Variants in ENPP2 observed in about 807,000 individuals in gnomAD.
ENPP2 encodes the protein autotaxin.
In ENPP2, 51 loss-of-function variants were observed where a neutral mutation model predicts 120.2. That is an observed-to-expected ratio of 0.42 (90% CI 0.34 to 0.54). The LOEUF is 0.54. Among genes scored for constraint, ENPP2 ranks in the 20% least tolerant of loss-of-function variants. The pLI is 0.04. For missense variants in ENPP2, 920 were observed against 1,066.5 expected (o/e 0.86, Z 1.91); for synonymous variants, 365 against 366.4 (o/e 1.00, Z 0.04).
In ENPP2 at chr8:119,604,975, G is replaced by A. The variant is rs527594791; in HGVS notation, c.833+2947C>T. On this transcript the variant is annotated intron_variant, in intron 9 of 24. Transcript: ENST00000075322. ...TTTTTAGTAGAGAGGGGGTTTCACC[G>A]TGTTAGCCAGGATGTTCTCCATCTC... 1.2e-3 allele frequency among the ~76,000 whole-genome samples: 189 copies of A among 152,008 alleles called. 1 individual carries two copies. Among genetic ancestry groups the A allele is most frequent in the African/African-American group, 3.6e-3 (148 of 41,438 alleles).
At chr8:119,603,019 G>C (rs749794076) in intron 9 of ENPP2, among the ~76,000 whole-genome samples, 27 of 152,206 alleles carry the variant, frequency 1.8e-4, no homozygotes, top group Non-Finnish European at 4.0e-4. Flanking sequence ...CACAAGACCA[G>C]AAAATCATGT....
intron 1 of ENPP2, among the ~76,000 whole-genome samples, chr8:119,670,101 C>T (rs1396433137): frequency 2.0e-5 from 3 of 152,134 alleles, no homozygotes; most frequent in Non-Finnish European, 4.4e-5. Context: ...AAAGAGGATT[C>T]CTTTGCCTTC....
chr8:119,656,993 T>C (rs776194685), intron 1 of ENPP2, among the ~76,000 whole-genome samples: 1 of 152,202 alleles, frequency 6.6e-6, no homozygotes, highest in Non-Finnish European at 1.5e-5. Flanking sequence ...AATGGCACTA[T>C]CTTGGCTCAG....
intron 24 of ENPP2, among the ~76,000 whole-genome samples, chr8:119,561,073 T>C (rs1023695035): frequency 6.6e-6 from 1 of 152,240 alleles, no homozygotes. Flanking sequence ...TTGATTCCAA[T>C]CAACTTTTAA....
chr8:119,646,677 A>C (rs1817477688), intron 1 of ENPP2, among the ~76,000 whole-genome samples: 1 of 152,188 alleles, frequency 6.6e-6, no homozygotes, highest in Non-Finnish European at 1.5e-5. Context: ...AGGATTCTTG[A>C]GAGTATTACA....
Position 119,593,918 on chromosome 8 carries a change from C to T in ENPP2, c.973-58G>A, listed in dbSNP as rs116866049. On this transcript the variant is annotated intron_variant, in intron 11 of 24. Coordinates refer to ENST00000075322, the MANE Select transcript of ENPP2 (RefSeq NM_001040092.3). ...GTTTTCTTTCTTTCCCTTTCAGTCT[C>T]TCATAGATCTTCTACCCCTAGAACA... 84 of 963,284 alleles carry T rather than the reference C, an allele frequency of 8.7e-5. 1 individual carries two copies. Among genetic ancestry groups the T allele is most frequent in the Admixed American group, 2.6e-4 (15 of 58,630 alleles). The allele number at this position is 963,284 out of a possible 1,614,324, so 59.7% of individuals were successfully genotyped here. A position where few individuals can be genotyped will look rare whatever the true frequency, so the allele number is the denominator to read the frequency against.
upstream of ENPP2, among the ~76,000 whole-genome samples, chr8:119,642,191 T>C (rs1387610006): frequency 6.6e-6 from 1 of 152,194 alleles, no homozygotes; most frequent in African/African-American, 2.4e-5. Context: ...TTTGGTATAC[T>C]CTTTTGAATA....
chr8:119,627,535 A>T (rs933691505), intron 2 of ENPP2, among the ~76,000 whole-genome samples: 1 of 151,366 alleles, frequency 6.6e-6, no homozygotes, highest in Non-Finnish European at 1.5e-5. Context: ...ACCAACATAC[A>T]TGAGAAAAGT....
chr8:119,587,151 C>T, intron 13 of ENPP2, 76 bp from the exon 14 acceptor site: 1 of 1,212,606 alleles, frequency 8.2e-7, no homozygotes, highest in Non-Finnish European at 1.2e-6. Flanking sequence ...CAGCAAGATA[C>T]TCAATTCTTT....
intron 5 of ENPP2, chr8:119,618,042 A>G (rs1815596277): frequency 3.9e-6 from 1 of 255,462 alleles, no homozygotes; most frequent in African/African-American, 2.3e-5. Context: ...GCCCAACAAA[A>G]ATACTCTGTC....
At chr8:119,646,672 T>A (rs1817477418) in intron 1 of ENPP2, among the ~76,000 whole-genome samples, 1 of 152,214 alleles carries the variant, frequency 6.6e-6, no homozygotes, top group African/African-American at 2.4e-5. Context: ...CTCATAGGAT[T>A]CTTGAGAGTA....
At chr8:119,667,068 C>T (rs1818094448) in intron 1 of ENPP2, among the ~76,000 whole-genome samples, 1 of 152,062 alleles carries the variant, frequency 6.6e-6, no homozygotes, top group Non-Finnish European at 1.5e-5. Flanking sequence ...ACTAAGACCC[C>T]TTCAAGCATG....
At chr8:119,600,560 G>C in intron 11 of ENPP2, 118 bp downstream of exon 11, 1 of 619,478 alleles carries the variant, frequency 1.6e-6, no homozygotes, top group East Asian at 2.9e-5. Context: ...ATTTGACTTT[G>C]CATAAACCTT....
chr8:119,610,029 G>T (rs1587471613), intron 8 of ENPP2, among the ~76,000 whole-genome samples: 1 of 152,182 alleles, frequency 6.6e-6, no homozygotes. Flanking sequence ...GGTCTTTACA[G>T]TGTCAAAAGG....
Position 119,564,817 on chromosome 8 carries a change from G to A in ENPP2, c.2264+6C>T, listed in dbSNP as rs778899627. ...ATCACACACTGAGTAGAAATGAAAC[G>A]CTTACTGTTTTATTTTGTCTTCTGT... On this transcript the variant is annotated splice_donor_region_variant and intron_variant, in intron 23 of 24. Transcript: ENST00000075322. 2.5e-5 allele frequency: 40 copies of A among 1,610,458 alleles called. No individual in the cohort carries two copies. The highest frequency in any genetic ancestry group is 4.5e-5 in the East Asian group (2 of 44,826).
chr8:119,583,995 G>A lies in ENPP2; in HGVS notation c.1422C>T (p.Asp474=), dbSNP rs1411148162. ...KPSGKCFFQG[D]HGFDNKVNSM... ...TGTTGACCTTGTTATCAAATCCGTG[G>A]TCTCCCTGGAAAAAGCATTTTCCTG... The change falls in exon 16 of 25, where the codon GAC becomes GAT. Residue 474 remains aspartate, a synonymous_variant. Coordinates refer to ENST00000075322, the MANE Select transcript of ENPP2 (RefSeq NM_001040092.3). 4 of 1,613,546 alleles carry A rather than the reference G, an allele frequency of 2.5e-6. No individual in the cohort carries two copies. The South Asian group carries it at 4.4e-5, about 18-fold the overall frequency.
At chr8:119,611,409 G>A (rs1204982776) in intron 8 of ENPP2, among the ~76,000 whole-genome samples, 1 of 152,086 alleles carries the variant, frequency 6.6e-6, no homozygotes, top group African/African-American at 2.4e-5. Context: ...AATTAAGGGT[G>A]TGGGGGTTGG....
At chr8:119,618,332 G>A (rs542919108) in intron 5 of ENPP2, 12 of 478,572 alleles carry the variant, frequency 2.5e-5, no homozygotes, top group South Asian at 1.8e-4. Context: ...CTCTGTATAA[G>A]AGAATCCAAT....
chr8:119,660,595 C>G (rs950907633), intron 1 of ENPP2, among the ~76,000 whole-genome samples: 1 of 152,188 alleles, frequency 6.6e-6, no homozygotes, highest in Non-Finnish European at 1.5e-5. Context: ...GGAATTCAAA[C>G]AGATCTTAGT....
Sources: gnomAD v4.1 joint callset for allele counts (sites outside exome capture counted in the v4.1 genomes callset) on GRCh38, gnomAD v4.1.1 for gene constraint, MANE v1.5 for transcripts, NCBI Gene and HGNC (gene_info 2026-07-23, HGNC 2026-07-21) for gene names.